The following AGO2 variants were observed in gnomAD, a reference collection of about 807,000 sequenced individuals.
The protein encoded by AGO2 is protein argonaute-2.
In AGO2, 5 loss-of-function variants were observed where a neutral mutation model predicts 102.3. That is an observed-to-expected ratio of 0.05 (90% CI 0.03 to 0.10). The LOEUF (loss-of-function observed/expected upper bound fraction) is 0.10. Ranked by LOEUF, AGO2 falls within the 10% of genes least tolerant of loss-of-function variation. The pLI is 1.00. For synonymous variants in AGO2, 449 were observed against 473.1 expected (o/e 0.95, Z 0.66); for missense variants, 541 against 1,183.7 (o/e 0.46, Z 7.97).
intron 14 of AGO2, among the ~76,000 whole-genome samples, 168 bp downstream of exon 14, chr8:140,544,045 T>C (rs971474671): frequency 3.9e-5 from 6 of 152,216 alleles, no homozygotes; most frequent in Admixed American, 2.0e-4. Flanking sequence ...GTCATTCTAG[T>C]GTCCCCTCCA....
Position 140,539,040 on chromosome 8 carries a change from C to T in AGO2, c.2169+280G>A, listed in dbSNP as rs1309565964. Among the ~76,000 whole-genome samples, 1 of 152,170 alleles carries T rather than the reference C, an allele frequency of 6.6e-6. No homozygotes were observed. The highest frequency in any genetic ancestry group is 2.4e-5 in the African/African-American group (1 of 41,430). On this transcript the variant is annotated intron_variant, in intron 16 of 18. Transcript: ENST00000220592. This position sits in a 1 kb window ranked among gnomAD's most constrained non-coding sequence, Gnocchi z 4.7. ...ATCACTTGAGCCCAGGAGATAGAGG[C>T]TGCAGTAAGCTATGATCGCACCACT...
rs115627791 is a variant in AGO2, at chr8:140,575,124, C to T, written c.216-2192G>A. Among the ~76,000 whole-genome samples, 1,479 of 152,302 alleles carry T rather than the reference C, an allele frequency of 9.7e-3. 17 individuals carry two copies. The highest frequency in any genetic ancestry group is 0.034 in the African/African-American group (1,400 of 41,548). ...TGAGGGCTCCACCAAGCTGCACCCG[C>T]CTCTGACAGTGCTGGGAGATCCAGC... On this transcript the variant is annotated intron_variant, in intron 2 of 18. Coordinates refer to ENST00000220592, the MANE Select transcript of AGO2 (RefSeq NM_012154.5).
intron 1 of AGO2, among the ~76,000 whole-genome samples, chr8:140,616,404 C>T (rs1441882109): frequency 1.3e-5 from 2 of 152,162 alleles, no homozygotes; most frequent in Admixed American, 6.5e-5. Context: ...AGTGTAATCC[C>T]GTTACTAATT....
At chr8:140,546,313 C>A (rs970387974) in intron 13 of AGO2, among the ~76,000 whole-genome samples, 2 of 152,228 alleles carry the variant, frequency 1.3e-5, no homozygotes, top group African/African-American at 4.8e-5. Context: ...GCTCTCAAAA[C>A]CTGGTCCCCC....
intron 1 of AGO2, among the ~76,000 whole-genome samples, chr8:140,602,917 G>A (rs910810224): frequency 2.0e-5 from 3 of 152,190 alleles, no homozygotes; most frequent in African/African-American, 4.8e-5. Flanking sequence ...AAAACAAATC[G>A]AAATGGTATT....
rs1327342765 is a variant in AGO2 at position 140,523,398 on chromosome 8, AAAAAT to A, written c.*8641_*8645del. On this transcript the variant is annotated 3_prime_UTR_variant, in exon 19 of 19. Coordinates refer to ENST00000220592, the MANE Select transcript of AGO2 (RefSeq NM_012154.5). ...TTTGGTTCTTTTTCAATTATTTTAT[AAAAAT>A]AAAATAAAACTAGAAAAATTGATAA... is the stretch of plus-strand genomic sequence containing the variant. The A allele has an allele frequency of 4.6e-5, 7 of 152,192 alleles. No individual in the cohort carries two copies. Among genetic ancestry groups the A allele is most frequent in the South Asian group, 2.1e-4 (1 of 4,832 alleles). 9.4% of individuals were successfully genotyped at this position (152,192 alleles called of 1,614,324 possible).
chr8:140,592,107 C>G (rs949733343), intron 1 of AGO2: 5 of 129,068 alleles, frequency 3.9e-5, no homozygotes, highest in African/African-American at 5.7e-5. Context: ...GCAACAAGAG[C>G]AAAACTCTGT....
intron 10 of AGO2, chr8:140,555,456 T>C (rs1188358257): frequency 6.1e-6 from 1 of 164,578 alleles, no homozygotes; most frequent in Non-Finnish European, 1.3e-5. Context: ...GTCATGCCAC[T>C]GCCTTCTAGC....
upstream of AGO2, chr8:140,636,654 C>G (rs2074412200): frequency 6.6e-6 from 1 of 152,242 alleles, no homozygotes; most frequent in African/African-American, 2.4e-5. Flanking sequence ...AGGGTGGTCA[C>G]TAGTTCTCTG....
chr8:140,602,164 G>A (rs2073942532), intron 1 of AGO2, among the ~76,000 whole-genome samples: 1 of 152,076 alleles, frequency 6.6e-6, no homozygotes. Flanking sequence ...AACACATGAG[G>A]GTCCTTATTT....
chr8:140,541,788 A>G (rs911127829), intron 14 of AGO2, among the ~76,000 whole-genome samples: 1 of 152,074 alleles, frequency 6.6e-6, no homozygotes, highest in Non-Finnish European at 1.5e-5. Context: ...CTGTAATCCT[A>G]GCTACTCGGG....
intron 1 of AGO2, among the ~76,000 whole-genome samples, chr8:140,590,967 A>G (rs1399096685): frequency 6.6e-6 from 1 of 152,046 alleles, no homozygotes; most frequent in Non-Finnish European, 1.5e-5. Flanking sequence ...GCCATCCACC[A>G]CTGCTCCCTG....
At chr8:140,637,514 T>C (rs1009420374), upstream of AGO2, 3 of 152,278 alleles carry the variant, frequency 2.0e-5, no homozygotes, top group Non-Finnish European at 4.4e-5. Flanking sequence ...AGGGCTTCAT[T>C]GTGTCACTTC....
chr8:140,557,767 G>A lies in AGO2; in HGVS notation c.879-531C>T, dbSNP rs372387057. ...GTGTGGGGATGAGGGCACGGGGGCTGCTAGTGCAGGGCAAAGGGCCACGTG... is the reference window on the plus strand; with the variant it reads ...GTGTGGGGATGAGGGCACGGGGGCTACTAGTGCAGGGCAAAGGGCCACGTG... On this transcript the variant is annotated intron_variant, in intron 7 of 18. Transcript: ENST00000220592. The surrounding 1 kb of genome is among the most constrained non-coding windows in gnomAD (Gnocchi z 5.9). Among the ~76,000 whole-genome samples, 112 of 152,302 alleles carry A rather than the reference G, an allele frequency of 7.4e-4. 1 individual carries two copies. In the South Asian group the frequency reaches 0.023, roughly 31 times the overall value.
Position 140,613,802 on chromosome 8 carries a change from C to G in AGO2, c.22+21683G>C, listed in dbSNP as rs181897218. 2.6e-5 allele frequency among the ~76,000 whole-genome samples: 4 copies of G among 152,058 alleles called. No homozygotes were observed. The East Asian group carries it at 7.7e-4, about 29-fold the overall frequency. On this transcript the variant is annotated intron_variant, in intron 1 of 18. Transcript: ENST00000220592. Reference sequence around the variant, plus strand: ...AAGCCGAGGCAGGAGGGTCACTTGACCCCTGGGGCTTGAGACCAGCCTGGG... The same window carrying G: ...AAGCCGAGGCAGGAGGGTCACTTGAGCCCTGGGGCTTGAGACCAGCCTGGG...
chr8:140,545,327 G>A (rs1306471196), intron 13 of AGO2, among the ~76,000 whole-genome samples: 5 of 152,122 alleles, frequency 3.3e-5, no homozygotes, highest in Admixed American at 6.5e-5. Context: ...ACCCATGGCC[G>A]AGCCTCAGGC....
chr8:140,568,610 G>A (rs1385543897), intron 3 of AGO2, among the ~76,000 whole-genome samples: 3 of 152,214 alleles, frequency 2.0e-5, no homozygotes, highest in Non-Finnish European at 2.9e-5. Flanking sequence ...GCCAGGAGGG[G>A]CCGTGCAGTT....
In AGO2 at chr8:140,557,276, G is replaced by A. The variant is rs765501698; in HGVS notation, c.879-40C>T. 2 of 1,577,904 alleles carry A rather than the reference G, an allele frequency of 1.3e-6. No individual in the cohort carries two copies. The highest frequency in any genetic ancestry group is 1.7e-6 in the Non-Finnish European group (2 of 1,160,508). On this transcript the variant is annotated intron_variant, in intron 7 of 18. Transcript: ENST00000220592. This position sits in a 1 kb window ranked among gnomAD's most constrained non-coding sequence, Gnocchi z 5.9. ...GGCTGTTCAGGCCGAGGGCATCCCG[G>A]AGCCCCTTCCCCTGCGCTGCTTTTC... is the stretch of plus-strand genomic sequence containing the variant.
chr8:140,535,334 C>T (rs930684726), intron 17 of AGO2, 134 bp downstream of exon 17: 34 of 923,680 alleles, frequency 3.7e-5, no homozygotes, highest in East Asian at 3.4e-4. Context: ...CTGGGCTCCC[C>T]GGTTCCCTGG....
Sources: gnomAD v4.1 joint callset for allele counts (sites outside exome capture counted in the v4.1 genomes callset) on GRCh38, gnomAD v4.1.1 for gene constraint, Gnocchi (gnomAD v3.1) non-coding constraint, MANE v1.5 for transcripts, NCBI Gene and HGNC (gene_info 2026-07-23, HGNC 2026-07-21) for gene names.